The following MRPS25 variants were observed in gnomAD, a reference collection of about 807,000 sequenced individuals.
MRPS25 encodes the protein mitochondrial ribosomal protein S25, also known as small ribosomal subunit protein mS25.
MRPS25 carries 15 observed loss-of-function variants against 17.3 expected under a neutral mutation model. That is an observed-to-expected ratio of 0.87 (90% confidence interval 0.58 to 1.34). The LOEUF (loss-of-function observed/expected upper bound fraction) is 1.34. Ranked by LOEUF, MRPS25 falls within the 40% of genes most tolerant of loss-of-function variation. The pLI, the probability that MRPS25 is intolerant of heterozygous loss-of-function variation, is 0.00. For missense variants in MRPS25, 225 were observed against 218.6 expected, an observed-to-expected ratio of 1.03 and a Z score of -0.19; for synonymous variants, 94 against 83.3, an observed-to-expected ratio of 1.13 and a Z score of -0.70.
At position 15,052,548 on chromosome 3, in the gene MRPS25, A is replaced by T; in HGVS notation, c.415T>A (p.Cys139Ser). 1 of 1,613,692 alleles carries T rather than the reference A, an allele frequency of 6.2e-7. No individual in the cohort carries two copies. The highest frequency in any genetic ancestry group is 8.5e-7 in the Non-Finnish European group (1 of 1,179,910). ...ACCTGCCCTTCCACTTCACAGATGC[A>T]CTCCCGCAGGCAGTACTTTCGAGGG... ...FGPRKYCLRE[C>S]ICEVEGQVPC... is the part of the protein sequence containing the mutation. The change falls in exon 4 of 4, where the codon TGC becomes AGC. Residue 139 changes from cysteine (C) to serine (S), a missense_variant. By Grantham distance (112) the Cys-to-Ser change is moderately radical. Transcript: ENST00000253686.
At position 15,049,877 on chromosome 3, in the gene MRPS25, C is replaced by T; in HGVS notation, c.*2564G>A. On this transcript the variant is annotated 3_prime_UTR_variant, in exon 4 of 4. Coordinates refer to ENST00000253686, the MANE Select transcript of MRPS25 (RefSeq NM_022497.5). ...TCAAGTGATCCTCCTGCCTCAGCCTCCTGAGTAACTGGGACCACAGCAGAT... is the reference window on the plus strand; with the variant it reads ...TCAAGTGATCCTCCTGCCTCAGCCTTCTGAGTAACTGGGACCACAGCAGAT... The T allele has an allele frequency of 1.3e-6, 2 of 1,506,516 alleles. No homozygotes were observed. The highest frequency in any genetic ancestry group is 1.8e-6 in the Non-Finnish European group (2 of 1,121,764). 93.3% of individuals were successfully genotyped at this position (1,506,516 alleles called of 1,614,324 possible). A position where few individuals can be genotyped will look rare whatever the true frequency, so the allele number is the denominator to read the frequency against.
chr3:15,050,128 A>G lies in MRPS25; in HGVS notation c.*2313T>C. On this transcript the variant is annotated 3_prime_UTR_variant, in exon 4 of 4. Transcript: ENST00000253686. ...GGGAAAGACAAAGGTTTAAAGAGAA[A>G]CTATCCAGGATCAAGTAGCCTACAG... is the stretch of plus-strand genomic sequence containing the variant. 1 of 1,370,590 alleles carries G rather than the reference A, an allele frequency of 7.3e-7. No homozygotes were observed. Among genetic ancestry groups the G allele is most frequent in the Middle Eastern group, 2.3e-4 (1 of 4,310 alleles). 84.9% of individuals were successfully genotyped at this position (1,370,590 alleles called of 1,614,324 possible). A position where few individuals can be genotyped will look rare whatever the true frequency, so the allele number is the denominator to read the frequency against.
rs549308161 is a variant in MRPS25 at position 15,048,561 on chromosome 3, A to G, written c.*3880T>C. The G allele has an allele frequency of 6.3e-4, 96 of 152,790 alleles. No homozygotes were observed. Among genetic ancestry groups the G allele is most frequent in the Non-Finnish European group, 1.2e-3 (81 of 68,040 alleles). 9.5% of individuals were successfully genotyped at this position (152,790 alleles called of 1,614,324 possible). On this transcript the variant is annotated 3_prime_UTR_variant, in exon 4 of 4. Transcript: ENST00000253686. ...TTGATTGATAGACTGTTAAAATTTA[A>G]TGTTTGGAATAACATTTGGAAGTAG...
Position 15,059,444 on chromosome 3 carries a change from G to C in MRPS25, c.166C>G (p.Gln56Glu), listed in dbSNP as rs776698476. The C allele has an allele frequency of 9.3e-5, 150 of 1,613,364 alleles. No homozygotes were observed. Among genetic ancestry groups the C allele is most frequent in the Admixed American group, 3.3e-4 (20 of 59,966 alleles). Reference protein sequence around the residue: ...KFVFFNIPQIQYKNPWVQIMM... With the variant: ...KFVFFNIPQIEYKNPWVQIMM... ...ATCTGCACCCAAGGGTTTTTGTATT[G>C]AATCTGAGGTATGTTGAAAAACACA... The change falls in exon 2 of 4, where the codon CAA (glutamine) becomes GAA (glutamate). Residue 56 changes from glutamine (Q) to glutamate (E), a missense_variant. Physicochemically the swap from Gln to Glu is conservative, Grantham distance 29. Transcript: ENST00000253686.
intron 1 of MRPS25, among the ~76,000 whole-genome samples, chr3:15,060,596 T>C (rs1244523210): frequency 6.6e-6 from 1 of 151,636 alleles, no homozygotes; most frequent in African/African-American, 2.4e-5. Flanking sequence ...ATTAAATAGT[T>C]AAGCCGCCGG....
chr3:15,056,086 G>A (rs1409406691), intron 2 of MRPS25, among the ~76,000 whole-genome samples: 1 of 151,690 alleles, frequency 6.6e-6, no homozygotes, highest in African/African-American at 2.4e-5. Context: ...GGTGTGGCGG[G>A]TGCCTGTAGT....
chr3:15,050,246 G>A lies in MRPS25; in HGVS notation c.*2195C>T, dbSNP rs930444568. ...GCAGTAACTGCACCACAGGACTGCT[G>A]CTGTCTCCACACGTCCTTTCAGGGT... On this transcript the variant is annotated 3_prime_UTR_variant, in exon 4 of 4. Coordinates refer to ENST00000253686, the MANE Select transcript of MRPS25 (RefSeq NM_022497.5). 2.4e-5 allele frequency: 27 copies of A among 1,144,474 alleles called. No individual in the cohort carries two copies. In the African/African-American group the frequency reaches 4.2e-4, roughly 18 times the overall value. The allele number at this position is 1,144,474 out of a possible 1,614,324, so 70.9% of individuals were successfully genotyped here. A position where few individuals can be genotyped will look rare whatever the true frequency, so the allele number is the denominator to read the frequency against.
Position 15,050,382 on chromosome 3 carries a change from A to C in MRPS25, c.*2059T>G. ...TTATTCTGTCTAGAGAATGGTCACC[A>C]CTCCTTTTGGTTCAGGACATTCCTG... On this transcript the variant is annotated 3_prime_UTR_variant, in exon 4 of 4. Transcript: ENST00000253686. 1 of 1,015,778 alleles carries C rather than the reference A, an allele frequency of 9.8e-7. No homozygotes were observed. The allele number at this position is 1,015,778 out of a possible 1,614,324, so 62.9% of individuals were successfully genotyped here. A position where few individuals can be genotyped will look rare whatever the true frequency, so the allele number is the denominator to read the frequency against.
chr3:15,050,039 CTAAT>C lies in MRPS25; in HGVS notation c.*2398_*2401del, dbSNP rs917844815. Reference sequence around the variant, plus strand: ...CAATTATAAAATCCTCACATTTTCTCTAATTAATTTTCTCCCATTTCTGTATATT... The same window carrying C: ...CAATTATAAAATCCTCACATTTTCTCTAATTTTCTCCCATTTCTGTATATT... On this transcript the variant is annotated 3_prime_UTR_variant, in exon 4 of 4. Transcript: ENST00000253686. The C allele has an allele frequency of 2.4e-4, 353 of 1,456,424 alleles. 2 individuals are homozygous for C. The highest frequency in any genetic ancestry group is 6.4e-4 in the Admixed American group (20 of 31,054). The allele number at this position is 1,456,424 out of a possible 1,614,324, so 90.2% of individuals were successfully genotyped here.
downstream of MRPS25, chr3:15,045,691 CT>C (rs1436166092): frequency 6.6e-6 from 1 of 152,670 alleles, no homozygotes; most frequent in African/African-American, 2.4e-5. Flanking sequence ...TCAAGAATTA[CT>C]TAAAGAGATG....
At chr3:15,059,005 C>T (rs1354290888) in intron 2 of MRPS25, among the ~76,000 whole-genome samples, 2 of 150,374 alleles carry the variant, frequency 1.3e-5, no homozygotes, top group Admixed American at 1.3e-4. Context: ...GGTGCCCATA[C>T]TGAGCCCTGA....
Position 15,049,749 on chromosome 3 carries a change from T to G in MRPS25, c.*2692A>C. ...GAAAATTCTGAGGTCCAAAGTCTGA[T>G]GCATGACAGAACTCACTGGCAGGCA... On this transcript the variant is annotated 3_prime_UTR_variant, in exon 4 of 4. Coordinates refer to ENST00000253686, the MANE Select transcript of MRPS25 (RefSeq NM_022497.5). 1.6e-6 allele frequency: 1 copy of G among 624,752 alleles called. No homozygotes were observed. Among genetic ancestry groups the G allele is most frequent in the African/African-American group, 1.9e-5 (1 of 52,636 alleles). The allele number at this position is 624,752 out of a possible 1,614,324, so 38.7% of individuals were successfully genotyped here.
At chr3:15,053,593 T>C in intron 2 of MRPS25, 126 bp from the exon 3 acceptor site, 1 of 1,047,134 alleles carries the variant, frequency 9.5e-7, no homozygotes. Flanking sequence ...ATATACTTGT[T>C]TACATAATCT....
downstream of MRPS25, chr3:15,046,749 C>T (rs2042466135): frequency 6.5e-6 from 1 of 152,702 alleles, no homozygotes; most frequent in Admixed American, 6.5e-5. Flanking sequence ...AGCCACTTTT[C>T]TCCCAGGGAA....
chr3:15,049,096 A>G lies in MRPS25; in HGVS notation c.*3345T>C, dbSNP rs773183266. ...CTTTTTAAACTGAATTTTATATCTA[A>G]TCAATGTCTTCAGTCTTGAAGAAGA... On this transcript the variant is annotated 3_prime_UTR_variant, in exon 4 of 4. Coordinates refer to ENST00000253686, the MANE Select transcript of MRPS25 (RefSeq NM_022497.5). 4 of 152,634 alleles carry G rather than the reference A, an allele frequency of 2.6e-5. No homozygotes were observed. The highest frequency in any genetic ancestry group is 5.9e-5 in the Non-Finnish European group (4 of 68,040). The allele number at this position is 152,634 out of a possible 1,614,324, so 9.5% of individuals were successfully genotyped here. A position where few individuals can be genotyped will look rare whatever the true frequency, so the allele number is the denominator to read the frequency against.
intron 2 of MRPS25, among the ~76,000 whole-genome samples, chr3:15,058,686 C>A (rs1405178688): frequency 6.6e-6 from 1 of 152,206 alleles, no homozygotes; most frequent in Non-Finnish European, 1.5e-5. Flanking sequence ...CATTTCCCAA[C>A]CTACACTTCA....
In MRPS25 at chr3:15,050,046, A is replaced by G; in HGVS notation, c.*2395T>C. ...AAAATCCTCACATTTTCTCTAATTA[A>G]TTTTCTCCCATTTCTGTATATTTTA... On this transcript the variant is annotated 3_prime_UTR_variant, in exon 4 of 4. Coordinates refer to ENST00000253686, the MANE Select transcript of MRPS25 (RefSeq NM_022497.5). The G allele has an allele frequency of 6.9e-7, 1 of 1,452,422 alleles. No homozygotes were observed. The highest frequency in any genetic ancestry group is 8.9e-7 in the Non-Finnish European group (1 of 1,117,586). 90.0% of individuals were successfully genotyped at this position (1,452,422 alleles called of 1,614,324 possible).
downstream of MRPS25, chr3:15,044,877 T>C (rs980602120): frequency 1.3e-5 from 2 of 152,258 alleles, no homozygotes; most frequent in African/African-American, 4.8e-5. Context: ...GTTAGTAGGG[T>C]AAGTGGGAAC....
downstream of MRPS25, chr3:15,043,554 C>CA (rs1252452277): frequency 1.3e-5 from 2 of 152,634 alleles, no homozygotes; most frequent in Non-Finnish European, 2.9e-5. Context: ...GTACAGGAGA[C>CA]AATCATTTAT....
Sources: gnomAD v4.1 joint callset for allele counts (sites outside exome capture counted in the v4.1 genomes callset) on GRCh38, gnomAD v4.1.1 for gene constraint, MANE v1.5 for transcripts, NCBI Gene and HGNC (gene_info 2026-07-23, HGNC 2026-07-21) for gene names.